ANAPC13: variants seen among roughly 807,000 people sequenced by gnomAD.
The protein encoded by ANAPC13 is anaphase promoting complex subunit 13.
In ANAPC13, 9 loss-of-function variants were observed where a neutral mutation model predicts 9.6. The ratio of observed to expected loss-of-function variants is 0.94; its 90% CI spans 0.57 to 1.64. The LOEUF is 1.64. ANAPC13 is among the 40% of genes most tolerant of loss of function. The pLI, the probability that ANAPC13 is intolerant of heterozygous loss-of-function variation, is 0.00. For missense variants in ANAPC13, 75 were observed against 85.3 expected, an observed-to-expected ratio of 0.88 and a Z score of 0.48; for synonymous variants, 30 against 29.7, an observed-to-expected ratio of 1.01 and a Z score of -0.03.
chr3:134,479,575 C>T (rs1023021197), intron 2 of ANAPC13, among the ~76,000 whole-genome samples: 2 of 152,074 alleles, frequency 1.3e-5, no homozygotes, highest in Admixed American at 6.6e-5. Context: ...TCTCGAACTC[C>T]CAACCTCAGG....
In ANAPC13 at chr3:134,478,511, T is replaced by C; in HGVS notation, c.*79A>G. On this transcript the variant is annotated 3_prime_UTR_variant, in exon 3 of 3. Coordinates refer to ENST00000354910, the MANE Select transcript of ANAPC13 (RefSeq NM_015391.4). Reference sequence around the variant, plus strand: ...TGAGTGCTGATTTATTACTCAAAGGTTTGAATTTGGAGACTGAAACAAACC... The same window carrying C: ...TGAGTGCTGATTTATTACTCAAAGGCTTGAATTTGGAGACTGAAACAAACC... 2 of 1,523,052 alleles carry C rather than the reference T, an allele frequency of 1.3e-6. No individual in the cohort carries two copies. Among genetic ancestry groups the C allele is most frequent in the Non-Finnish European group, 1.8e-6 (2 of 1,126,248 alleles). 94.3% of individuals were successfully genotyped at this position (1,523,052 alleles called of 1,614,324 possible).
chr3:134,479,432 G>A (rs1422239241), intron 2 of ANAPC13, among the ~76,000 whole-genome samples: 1 of 152,042 alleles, frequency 6.6e-6, no homozygotes, highest in African/African-American at 2.4e-5. Context: ...CTGCCTCCCG[G>A]GTTCAAGCGA....
chr3:134,485,981 C>T lies in ANAPC13; in HGVS notation c.-57G>A. On this transcript the variant is annotated 5_prime_UTR_variant, in exon 1 of 3. Transcript: ENST00000354910. ...ACCCGGCCACCGCGGCAGACGCTTG[C>T]TCCTGCCACGCCCCCCCCCCCTCCC... The T allele has an allele frequency of 2.2e-6, 2 of 916,114 alleles. No homozygotes were observed. The highest frequency in any genetic ancestry group is 2.6e-5 in the African/African-American group (1 of 38,792). 56.7% of individuals were successfully genotyped at this position (916,114 alleles called of 1,614,324 possible).
chr3:134,479,595 C>T (rs1031517476), intron 2 of ANAPC13, among the ~76,000 whole-genome samples: 7 of 152,110 alleles, frequency 4.6e-5, no homozygotes, highest in African/African-American at 1.7e-4. Context: ...GTGATCCACC[C>T]GCCTCAGCCT....
chr3:134,482,963 G>T, intron 1 of ANAPC13, 32 bp from the exon 2 acceptor site: 1 of 1,345,358 alleles, frequency 7.4e-7, no homozygotes, highest in Non-Finnish European at 1.1e-6. Context: ...TCTTAAACAC[G>T]AAGACTGAAG....
chr3:134,484,175 T>G (rs1034835625), intron 1 of ANAPC13, among the ~76,000 whole-genome samples: 3 of 152,114 alleles, frequency 2.0e-5, no homozygotes, highest in Non-Finnish European at 4.4e-5. Flanking sequence ...GGTCAGGAGA[T>G]CAACACCATC....
intron 1 of ANAPC13, among the ~76,000 whole-genome samples, chr3:134,484,439 A>T (rs1934898258): frequency 6.6e-6 from 1 of 152,116 alleles, no homozygotes; most frequent in Non-Finnish European, 1.5e-5. Flanking sequence ...CCCCCATAGG[A>T]TAACTGCAAG....
intron 2 of ANAPC13, among the ~76,000 whole-genome samples, chr3:134,482,141 G>A (rs1437512050): frequency 1.3e-5 from 2 of 152,094 alleles, no homozygotes; most frequent in East Asian, 1.9e-4. Context: ...TCTTCTCAGG[G>A]CAGCTGGCAT....
At position 134,485,954 on chromosome 3, in the gene ANAPC13, G is replaced by T; in HGVS notation, c.-30C>A. The T allele has an allele frequency of 4.1e-6, 4 of 982,042 alleles. No individual in the cohort carries two copies. Among genetic ancestry groups the T allele is most frequent in the Non-Finnish European group, 4.8e-6 (4 of 828,440 alleles). The allele number at this position is 982,042 out of a possible 1,614,324, so 60.8% of individuals were successfully genotyped here. ...CCGGGGGCGCTGGAAACCCTTACCG[G>T]CACCCGGCCACCGCGGCAGACGCTT... is the stretch of plus-strand genomic sequence containing the variant. On this transcript the variant is annotated splice_region_variant and 5_prime_UTR_variant, in exon 1 of 3. Transcript: ENST00000354910.
chr3:134,486,006 C>T (rs1047639405), upstream of ANAPC13: 1 of 984,856 alleles, frequency 1.0e-6, no homozygotes, highest in East Asian at 1.1e-4. Context: ...CCCCCCCTCC[C>T]CCGCATCACG....
In ANAPC13 at chr3:134,478,618, T is replaced by C. The variant is rs1450931870; in HGVS notation, c.197A>G (p.His66Arg). 8 of 1,613,986 alleles carry C rather than the reference T, an allele frequency of 5.0e-6. No homozygotes were observed. The highest frequency in any genetic ancestry group is 6.8e-6 in the Non-Finnish European group (8 of 1,180,018). The change falls in exon 3 of 3, where the codon CAT becomes CGT. Residue 66 changes from histidine (H) to arginine (R), a missense_variant. His to Arg is a conservative substitution (Grantham distance 29). Transcript: ENST00000354910. ...KWTDLALQYLHENVPPIGN is the reference protein window; with the variant it reads ...KWTDLALQYLRENVPPIGN ...GTTTCCAATGGGGGGAACATTCTCATGGAGGTACTGTAAGGCTAAGTCTGT... is the reference window on the plus strand; with the variant it reads ...GTTTCCAATGGGGGGAACATTCTCACGGAGGTACTGTAAGGCTAAGTCTGT...
chr3:134,484,320 C>T (rs1403837771), intron 1 of ANAPC13, among the ~76,000 whole-genome samples: 1 of 151,930 alleles, frequency 6.6e-6, no homozygotes, highest in East Asian at 1.9e-4. Flanking sequence ...GCGGAGCTTG[C>T]AGTGAGCCGA....
chr3:134,478,776 G>A, intron 2 of ANAPC13, 61 bp from the exon 3 acceptor site: 1 of 1,578,294 alleles, frequency 6.3e-7, no homozygotes, highest in African/African-American at 1.4e-5. Context: ...TGGAACTCAA[G>A]AACACTTAGA....
At chr3:134,484,057 T>C (rs566617547) in intron 1 of ANAPC13, among the ~76,000 whole-genome samples, 1 of 152,288 alleles carries the variant, frequency 6.6e-6, no homozygotes, top group African/African-American at 2.4e-5. Flanking sequence ...ACGCTGAGGT[T>C]TGGGCCAAGG....
intron 2 of ANAPC13, among the ~76,000 whole-genome samples, chr3:134,481,944 G>C (rs1385579635): frequency 6.6e-6 from 1 of 152,152 alleles, no homozygotes; most frequent in African/African-American, 2.4e-5. Context: ...TTCTTATTAT[G>C]CTCTCTCTTT....
chr3:134,481,638 T>G (rs146259647), intron 2 of ANAPC13, among the ~76,000 whole-genome samples: 2 of 152,362 alleles, frequency 1.3e-5, no homozygotes, highest in African/African-American at 4.8e-5. Context: ...CTGTATCTTA[T>G]GTTCACATAG....
In ANAPC13 at chr3:134,477,857, T is replaced by C. The variant is rs899089661; in HGVS notation, c.*733A>G. ...AAATAATTCCAGGAATAAATATACATGAATGTGTTTTTCAAAATACAGGTT... is the reference window on the plus strand; with the variant it reads ...AAATAATTCCAGGAATAAATATACACGAATGTGTTTTTCAAAATACAGGTT... On this transcript the variant is annotated 3_prime_UTR_variant, in exon 3 of 3. Coordinates refer to ENST00000354910, the MANE Select transcript of ANAPC13 (RefSeq NM_015391.4). 25 of 152,186 alleles carry C rather than the reference T, an allele frequency of 1.6e-4. No homozygotes were observed. The highest frequency in any genetic ancestry group is 1.6e-3 in the Admixed American group (24 of 15,276). The allele number at this position is 152,186 out of a possible 1,614,324, so 9.4% of individuals were successfully genotyped here. A position where few individuals can be genotyped will look rare whatever the true frequency, so the allele number is the denominator to read the frequency against.
chr3:134,478,632 G>T lies in ANAPC13; in HGVS notation c.183C>A (p.Ala61=). 6.2e-7 allele frequency: 1 copy of T among 1,614,134 alleles called. No homozygotes were observed. Among genetic ancestry groups the T allele is most frequent in the Non-Finnish European group, 8.5e-7 (1 of 1,180,002 alleles). The part of the protein sequence containing the change: ...KEQEMKWTDL[A]LQYLHENVPP... ...GAACATTCTCATGGAGGTACTGTAA[G>T]GCTAAGTCTGTCCACTTCATTTCTT... Residue 61 remains alanine (A), a synonymous_variant, in exon 3 of 3, where the codon GCC becomes GCA. Coordinates refer to ENST00000354910, the MANE Select transcript of ANAPC13 (RefSeq NM_015391.4).
In ANAPC13 at chr3:134,482,795, T is replaced by C; in HGVS notation, c.99+11A>G. 2 of 1,612,426 alleles carry C rather than the reference T, an allele frequency of 1.2e-6. No individual in the cohort carries two copies. Among genetic ancestry groups the C allele is most frequent in the African/African-American group, 1.3e-5 (1 of 74,992 alleles). On this transcript the variant is annotated intron_variant, in intron 2 of 2. Coordinates refer to ENST00000354910, the MANE Select transcript of ANAPC13 (RefSeq NM_015391.4). Reference sequence around the variant, plus strand: ...ACCTTTAACCCATCCTCAGCTCAAATCATAACCTACCAGTGGTATTGCGAC... The same window carrying C: ...ACCTTTAACCCATCCTCAGCTCAAACCATAACCTACCAGTGGTATTGCGAC...
Sources: gnomAD v4.1 joint callset for allele counts (sites outside exome capture counted in the v4.1 genomes callset) on GRCh38, gnomAD v4.1.1 for gene constraint, MANE v1.5 for transcripts, NCBI Gene and HGNC (gene_info 2026-07-23, HGNC 2026-07-21) for gene names.